The following SNED1 variants were observed in gnomAD, a reference collection of about 807,000 sequenced individuals.
SNED1 encodes sushi, nidogen and EGF like domains 1, also known as sushi, nidogen and EGF-like domain-containing protein 1.
SNED1 carries 81 observed loss-of-function variants against 166.7 expected under a neutral mutation model. That is an observed-to-expected ratio of 0.49 (90% confidence interval 0.41 to 0.58). The LOEUF (loss-of-function observed/expected upper bound fraction) is 0.58, where lower values mean the gene tolerates loss of function less well. Ranked by LOEUF, SNED1 falls within the 20% of genes least tolerant of loss-of-function variation. The pLI is 0.00. For synonymous variants in SNED1, 762 were observed against 822.0 expected, an observed-to-expected ratio of 0.93 and a Z score of 1.25; for missense variants, 1,604 against 2,000.2, an observed-to-expected ratio of 0.80 and a Z score of 3.78.
chr2:241,022,100 AATAGTACTTT>A (rs2060792563), intron 1 of SNED1, among the ~76,000 whole-genome samples: 1 of 152,216 alleles, frequency 6.6e-6, no homozygotes, highest in Non-Finnish European at 1.5e-5. Flanking sequence ...ATTGAGTTGT[AATAGTACTTT>A]ATATCTTCTA....
upstream of SNED1, among the ~76,000 whole-genome samples, chr2:240,998,543 C>T (rs1187335377): frequency 6.6e-6 from 1 of 152,062 alleles, no homozygotes; most frequent in Non-Finnish European, 1.5e-5. Flanking sequence ...TTAAGAGACG[C>T]CCGATTTGCA....
Position 240,999,184 on chromosome 2 carries a change from A to C in SNED1, c.213+134A>C. ...GGGCGGCCCGAGGTGGAATGAGGAC[A>C]GCGCTTCCTCCTCGGCGGCCAAGGC... On this transcript the variant is annotated intron_variant, in intron 1 of 31. Transcript: ENST00000310397. The surrounding 1 kb of genome is among the most constrained non-coding windows in gnomAD (Gnocchi z 5.8). 4.6e-6 allele frequency: 2 copies of C among 434,152 alleles called. No homozygotes were observed. The highest frequency in any genetic ancestry group is 7.1e-6 in the Non-Finnish European group (2 of 282,348). 26.9% of individuals were successfully genotyped at this position (434,152 alleles called of 1,614,324 possible).
At chr2:241,049,246 C>G in intron 11 of SNED1, 111 bp downstream of exon 11, 1 of 779,894 alleles carries the variant, frequency 1.3e-6, no homozygotes, top group East Asian at 2.7e-5. Flanking sequence ...TTCTGACTCT[C>G]GGGAGAGCTG....
Position 241,006,613 on chromosome 2 carries a change from A to G in SNED1, c.213+7563A>G, listed in dbSNP as rs145634888. Reference sequence around the variant, plus strand: ...TTAGATTTGACTTCAGCATATCAGTATAACTTCATAGCACATATTTCCGTG... The same window carrying G: ...TTAGATTTGACTTCAGCATATCAGTGTAACTTCATAGCACATATTTCCGTG... On this transcript the variant is annotated intron_variant, in intron 1 of 31. Transcript: ENST00000310397. Among the ~76,000 whole-genome samples, 6 of 152,392 alleles carry G rather than the reference A, an allele frequency of 3.9e-5. No individual in the cohort carries two copies. In the East Asian group the frequency reaches 1.2e-3, roughly 29 times the overall value.
chr2:241,084,064 A>G (rs1221042400), intron 29 of SNED1, among the ~76,000 whole-genome samples: 1 of 151,148 alleles, frequency 6.6e-6, no homozygotes, highest in Admixed American at 6.6e-5. Context: ...TTTGCCATAC[A>G]CATCTTCACC....
At chr2:241,074,232 A>G (rs2062897695) in intron 27 of SNED1, 1 of 152,120 alleles carries the variant, frequency 6.6e-6, no homozygotes, top group African/African-American at 2.4e-5. Flanking sequence ...CATCAAGGGC[A>G]CCTGCGGTGG....
chr2:241,020,200 C>T (rs534593557), intron 1 of SNED1, among the ~76,000 whole-genome samples: 1 of 152,254 alleles, frequency 6.6e-6, no homozygotes, highest in East Asian at 1.9e-4. Flanking sequence ...TCTGCTGGCC[C>T]TTGGGCAGAC....
In SNED1 at chr2:241,042,926, G is replaced by A. The variant is rs566735441; in HGVS notation, c.1273+2513G>A. On this transcript the variant is annotated intron_variant, in intron 8 of 31. Transcript: ENST00000310397. ...AGTCTGCGAAGGAGGATGGAGAACA[G>A]TATCAAGCAGCCTGGGATCCACGTA... Among the ~76,000 whole-genome samples, 17 of 152,282 alleles carry A rather than the reference G, an allele frequency of 1.1e-4. No individual in the cohort carries two copies. In the South Asian group the frequency reaches 3.5e-3, roughly 32 times the overall value.
At position 241,064,569 on chromosome 2, in the gene SNED1, C is replaced by T. The variant is rs1246135576; in HGVS notation, c.2600-275C>T. On this transcript the variant is annotated intron_variant, in intron 19 of 31. Transcript: ENST00000310397. The surrounding 1 kb of genome is among the most constrained non-coding windows in gnomAD (Gnocchi z 7.0). ...ACCTCCCCTCCTCAAGCAGGACTGT[C>T]ACTGGGGTGGTGGCCTGTCCTGTCC... Among the ~76,000 whole-genome samples the T allele has an allele frequency of 6.6e-6, 1 of 152,178 alleles. No homozygotes were observed. Among genetic ancestry groups the T allele is most frequent in the Admixed American group, 6.5e-5 (1 of 15,286 alleles).
chr2:241,070,043 A>G lies in SNED1; in HGVS notation c.3431A>G (p.Gln1144Arg). Residue 1144 changes from glutamine to arginine, a missense_variant, in exon 24 of 32, where the codon CAG becomes CGG. Gln to Arg is a conservative substitution (Grantham distance 43). Coordinates refer to ENST00000310397, the MANE Select transcript of SNED1 (RefSeq NM_001080437.3). ...EAYVINVTTS[Q>R]STKSRYVPNG... ...TATGTCATCAATGTGACCACCAGCC[A>G]GAGCACCAAGAGCCGCTATGTCCCC... is the stretch of plus-strand genomic sequence containing the variant. 1 of 1,613,052 alleles carries G rather than the reference A, an allele frequency of 6.2e-7. No homozygotes were observed. The highest frequency in any genetic ancestry group is 8.5e-7 in the Non-Finnish European group (1 of 1,179,892).
Position 241,064,757 on chromosome 2 carries a change from G to T in SNED1, c.2600-87G>T. Reference sequence around the variant, plus strand: ...CGCCCCTCCACACCCACGCAGGAGGGACCCAGTGCCCCAGGAGCAAGGGCG... The same window carrying T: ...CGCCCCTCCACACCCACGCAGGAGGTACCCAGTGCCCCAGGAGCAAGGGCG... On this transcript the variant is annotated intron_variant, in intron 19 of 31. Transcript: ENST00000310397. This position sits in a 1 kb window ranked among gnomAD's most constrained non-coding sequence, Gnocchi z 7.0. The T allele has an allele frequency of 1.1e-6, 1 of 929,242 alleles. No homozygotes were observed. Among genetic ancestry groups the T allele is most frequent in the South Asian group, 1.7e-5 (1 of 59,420 alleles). The allele number at this position is 929,242 out of a possible 1,614,324, so 57.6% of individuals were successfully genotyped here.
chr2:241,095,322 A>C lies in SNED1; in HGVS notation c.*3686A>C, dbSNP rs2064344851. The C allele has an allele frequency of 6.5e-6, 1 of 152,996 alleles. No individual in the cohort carries two copies. The highest frequency in any genetic ancestry group is 1.5e-5 in the Non-Finnish European group (1 of 68,410). 9.5% of individuals were successfully genotyped at this position (152,996 alleles called of 1,614,324 possible). ...AAGTGACCACTGGCCAAGAGCTGACATAAAAGCCAACTTCCCCAAACAGGA... is the reference window on the plus strand; with the variant it reads ...AAGTGACCACTGGCCAAGAGCTGACCTAAAAGCCAACTTCCCCAAACAGGA... On this transcript the variant is annotated 3_prime_UTR_variant, in exon 32 of 32. Transcript: ENST00000310397.
At chr2:241,008,657 A>C (rs1447281958) in intron 1 of SNED1, among the ~76,000 whole-genome samples, 1 of 152,234 alleles carries the variant, frequency 6.6e-6, no homozygotes, top group Non-Finnish European at 1.5e-5. Flanking sequence ...TGTTCTTTGC[A>C]AAGCAGGGCA....
Position 241,057,136 on chromosome 2 carries a change from T to C in SNED1, c.2257+3810T>C, listed in dbSNP as rs573692052. Among the ~76,000 whole-genome samples the C allele has an allele frequency of 6.6e-5, 10 of 151,498 alleles. No individual in the cohort carries two copies. In the South Asian group the frequency reaches 2.1e-3, roughly 32 times the overall value. Reference sequence around the variant, plus strand: ...GCTCACACCTGTAATTCCAGCACTTTGGGAGGCCAAGGTGGGAGGATCACC... The same window carrying C: ...GCTCACACCTGTAATTCCAGCACTTCGGGAGGCCAAGGTGGGAGGATCACC... On this transcript the variant is annotated intron_variant, in intron 16 of 31. Transcript: ENST00000310397.
rs2064228604 is a variant in SNED1, at chr2:241,094,094, G to A, written c.*2458G>A. 2.9e-6 allele frequency: 1 copy of A among 348,070 alleles called. No homozygotes were observed. 21.6% of individuals were successfully genotyped at this position (348,070 alleles called of 1,614,324 possible). A position where few individuals can be genotyped will look rare whatever the true frequency, so the allele number is the denominator to read the frequency against. On this transcript the variant is annotated 3_prime_UTR_variant, in exon 32 of 32. Coordinates refer to ENST00000310397, the MANE Select transcript of SNED1 (RefSeq NM_001080437.3). The surrounding 1 kb of genome is among the most constrained non-coding windows in gnomAD (Gnocchi z 4.3). The stretch of plus-strand genomic sequence containing the variant: ...AATGGAAGAGAAAATGAAAACACTG[G>A]CACAGTGAAATGTCTCATTTCCAAA...
intron 1 of SNED1, among the ~76,000 whole-genome samples, chr2:241,028,767 A>C (rs1485323977): frequency 1.3e-5 from 2 of 152,012 alleles, no homozygotes; most frequent in Non-Finnish European, 2.9e-5. Flanking sequence ...ACTCTGATAA[A>C]ATTCTAAAGT....
chr2:241,041,205 G>A (rs2061512387), intron 8 of SNED1: 4 of 179,068 alleles, frequency 2.2e-5, no homozygotes, highest in Admixed American at 5.6e-5. Context: ...GCGGGAGGAG[G>A]CAGCCTCACC....
intron 1 of SNED1, among the ~76,000 whole-genome samples, chr2:241,017,252 G>A (rs766379580): frequency 2.6e-5 from 4 of 152,186 alleles, no homozygotes; most frequent in Admixed American, 6.5e-5. Context: ...GATGGGTGCC[G>A]GCAGAAAGCA....
At chr2:241,088,535 C>A in intron 31 of SNED1, 133 bp downstream of exon 31, 1 of 747,228 alleles carries the variant, frequency 1.3e-6, no homozygotes, top group Non-Finnish European at 2.3e-6. Context: ...TCCTGTGCTG[C>A]TGTGTTACAG....
Sources: allele counts gnomAD v4.1 joint callset (sites outside exome capture counted in the v4.1 genomes callset), GRCh38; gene constraint gnomAD v4.1.1; non-coding constraint Gnocchi (gnomAD v3.1); transcripts MANE v1.5; gene names NCBI Gene and HGNC (gene_info 2026-07-23, HGNC 2026-07-21).